The following WRN variants were observed in gnomAD, a reference collection of about 807,000 sequenced individuals.
WRN encodes bifunctional 3'-5' exonuclease/ATP-dependent helicase WRN.
In WRN, 149 loss-of-function variants were observed where a neutral mutation model predicts 180.7. That is an observed-to-expected ratio of 0.82 (90% CI 0.72 to 0.94). WRN has a LOEUF of 0.94. WRN is among the 40% of genes least tolerant of loss of function. The pLI is 0.00. For missense variants in WRN, 1,661 were observed against 1,700.1 expected (o/e 0.98, Z 0.40); for synonymous variants, 548 against 568.9 (o/e 0.96, Z 0.52).
intron 27 of WRN, among the ~76,000 whole-genome samples, chr8:31,143,052 C>CACACAT (rs1272452345): frequency 2.1e-4 from 14 of 65,444 alleles, no homozygotes; most frequent in African/African-American, 6.7e-4. Flanking sequence ...CACACACACA[C>CACACAT]ACATTCTCTC....
intron 3 of WRN, among the ~76,000 whole-genome samples, chr8:31,062,415 T>C (rs1424694567): frequency 1.3e-5 from 2 of 151,524 alleles, no homozygotes; most frequent in Non-Finnish European, 2.9e-5. Flanking sequence ...TTCAATTTTT[T>C]TTTTTTTTTT....
At chr8:31,054,613 G>A (rs1412061268) in intron 1 of WRN, among the ~76,000 whole-genome samples, 1 of 152,150 alleles carries the variant, frequency 6.6e-6, no homozygotes, top group African/African-American at 2.4e-5. Context: ...GTAGATAGTG[G>A]TAGGTAGATA....
intron 10 of WRN, among the ~76,000 whole-genome samples, chr8:31,084,410 T>C (rs1486677401): frequency 6.6e-6 from 1 of 152,046 alleles, no homozygotes; most frequent in Non-Finnish European, 1.5e-5. Context: ...GTAAAATAAC[T>C]TTTTTTTAAA....
Position 31,175,018 on chromosome 8 carries a change from A to G in WRN, c.*1916A>G, listed in dbSNP as rs1442893312. 6.6e-6 allele frequency among the ~76,000 whole-genome samples: 1 copy of G among 151,742 alleles called. No individual in the cohort carries two copies. Among genetic ancestry groups the G allele is most frequent in the African/African-American group, 2.4e-5 (1 of 41,278 alleles). On this transcript the variant is annotated 3_prime_UTR_variant, in exon 35 of 35. Coordinates refer to ENST00000298139, the MANE Select transcript of WRN (RefSeq NM_000553.6). ...ACAGCCTTACATAAAGCCTTTTCTA[A>G]TGAGATGGATAGTAATTAACAAATG...
chr8:31,157,282 C>T, intron 32 of WRN, 86 bp from the exon 33 acceptor site: 1 of 1,569,920 alleles, frequency 6.4e-7, no homozygotes, highest in Admixed American at 1.7e-5. Flanking sequence ...TGAGCATTTA[C>T]TACCTGAATG....
intron 31 of WRN, among the ~76,000 whole-genome samples, chr8:31,152,434 T>G (rs1040687877): frequency 1.3e-5 from 2 of 151,980 alleles, no homozygotes; most frequent in African/African-American, 2.4e-5. Context: ...AGAAAATATC[T>G]AAGGATGTTC....
chr8:31,084,503 C>T (rs1361462948), intron 10 of WRN, among the ~76,000 whole-genome samples: 3 of 152,046 alleles, frequency 2.0e-5, no homozygotes, highest in Admixed American at 6.5e-5. Flanking sequence ...GCTGTGCTTC[C>T]TTTTCCTACT....
At chr8:31,067,261 T>C (rs1812747056) in intron 6 of WRN, 79 bp downstream of exon 6, 1 of 1,506,278 alleles carries the variant, frequency 6.6e-7, no homozygotes. Context: ...AATTTTATTA[T>C]AGTAGTGGCA....
chr8:31,150,200 C>T (rs895471300), intron 30 of WRN, 141 bp from the exon 31 acceptor site: 41 of 718,238 alleles, frequency 5.7e-5, no homozygotes, highest in African/African-American at 5.3e-5. Flanking sequence ...TTGTATTATA[C>T]GTTGTTTTTG....
intron 9 of WRN, among the ~76,000 whole-genome samples, chr8:31,082,858 C>T (rs750367931): frequency 6.6e-6 from 1 of 152,086 alleles, no homozygotes; most frequent in Non-Finnish European, 1.5e-5. Context: ...TCTTTTACAC[C>T]AATTATTGCC....
At chr8:31,044,288 G>A (rs1376913206) in intron 1 of WRN, among the ~76,000 whole-genome samples, 2 of 148,214 alleles carry the variant, frequency 1.3e-5, no homozygotes, top group African/African-American at 2.5e-5. Flanking sequence ...TTATCTGCCC[G>A]CCTTGGCTTC....
At chr8:31,076,964 A>G (rs1435729238) in intron 8 of WRN, among the ~76,000 whole-genome samples, 7 of 152,208 alleles carry the variant, frequency 4.6e-5, no homozygotes, top group Non-Finnish European at 8.8e-5. Context: ...TAAATCTCTA[A>G]AAGCAGGAAT....
chr8:31,047,553 A>G (rs1176328997), intron 1 of WRN, among the ~76,000 whole-genome samples: 4 of 152,128 alleles, frequency 2.6e-5, no homozygotes, highest in Non-Finnish European at 2.9e-5. Context: ...TTTGTGGGTA[A>G]CTGATCTTTA....
intron 23 of WRN, among the ~76,000 whole-genome samples, chr8:31,125,705 A>G (rs1316304531): frequency 6.7e-6 from 1 of 150,208 alleles, no homozygotes; most frequent in Non-Finnish European, 1.5e-5. Context: ...CTCAGGCAAG[A>G]GGTGATGTTG....
At chr8:31,172,746 G>A (rs1487774577) in intron 34 of WRN, among the ~76,000 whole-genome samples, 1 of 152,208 alleles carries the variant, frequency 6.6e-6, no homozygotes, top group Non-Finnish European at 1.5e-5. Flanking sequence ...ACTGAATGAG[G>A]TGTGTTGAGT....
At chr8:31,100,438 T>A (rs374149662) in intron 17 of WRN, among the ~76,000 whole-genome samples, 15 of 152,300 alleles carry the variant, frequency 9.8e-5, no homozygotes, top group African/African-American at 3.6e-4. Context: ...ATGCAGTTAA[T>A]TTCAGTAGAA....
chr8:31,108,037 AG>A (rs1801163718), intron 18 of WRN, among the ~76,000 whole-genome samples: 3 of 152,250 alleles, frequency 2.0e-5, no homozygotes, highest in Non-Finnish European at 2.9e-5. Flanking sequence ...ATTTAGAAGC[AG>A]GTGGGATACT....
intron 7 of WRN, among the ~76,000 whole-genome samples, chr8:31,075,008 C>T (rs572035108): frequency 9.2e-5 from 14 of 152,072 alleles, no homozygotes; most frequent in African/African-American, 2.4e-4. Flanking sequence ...ATAAGGTCAA[C>T]GGTATGACTA....
chr8:31,052,270 G>A (rs949368977), intron 1 of WRN, among the ~76,000 whole-genome samples: 12 of 152,144 alleles, frequency 7.9e-5, no homozygotes, highest in Admixed American at 3.3e-4. Flanking sequence ...GGAATATATA[G>A]AAAAGTATAA....
Sources: gnomAD v4.1 joint callset for allele counts (sites outside exome capture counted in the v4.1 genomes callset) on GRCh38, gnomAD v4.1.1 for gene constraint, MANE v1.5 for transcripts, NCBI Gene and HGNC (gene_info 2026-07-23, HGNC 2026-07-21) for gene names.